BMS1: variants seen among roughly 807,000 people sequenced by gnomAD.
BMS1 encodes BMS1 ribosome biogenesis factor.
In BMS1, 53 loss-of-function variants were observed where a neutral mutation model predicts 138.7. That is an observed-to-expected ratio of 0.38 (90% confidence interval 0.31 to 0.48). The LOEUF is 0.48. Among genes scored for constraint, BMS1 ranks in the 20% least tolerant of loss-of-function variants. BMS1 has a pLI of 0.97. For missense variants in BMS1, 1,360 were observed against 1,565.5 expected, an observed-to-expected ratio of 0.87 and a Z score of 2.22; for synonymous variants, 504 against 539.9, an observed-to-expected ratio of 0.93 and a Z score of 0.92.
chr10:42,831,934 T>C lies in BMS1; in HGVS notation c.*838T>C, dbSNP rs1320625958. 4 of 152,224 alleles carry C rather than the reference T, an allele frequency of 2.6e-5. No homozygotes were observed. Among genetic ancestry groups the C allele is most frequent in the African/African-American group, 4.8e-5 (2 of 41,458 alleles). The allele number at this position is 152,224 out of a possible 1,614,324, so 9.4% of individuals were successfully genotyped here. On this transcript the variant is annotated 3_prime_UTR_variant, in exon 23 of 23. Coordinates refer to ENST00000374518, the MANE Select transcript of BMS1 (RefSeq NM_014753.4). ...TTATGATTGTATGTTGATATAGTTA[T>C]GGGGAATCTATTCCTATACGATGTA...
At position 42,831,900 on chromosome 10, in the gene BMS1, G is replaced by A. The variant is rs1588767671; in HGVS notation, c.*804G>A. The A allele has an allele frequency of 6.6e-6, 1 of 152,054 alleles. No individual in the cohort carries two copies. The highest frequency in any genetic ancestry group is 1.9e-4 in the East Asian group (1 of 5,198). 9.4% of individuals were successfully genotyped at this position (152,054 alleles called of 1,614,324 possible). A position where few individuals can be genotyped will look rare whatever the true frequency, so the allele number is the denominator to read the frequency against. On this transcript the variant is annotated 3_prime_UTR_variant, in exon 23 of 23. Coordinates refer to ENST00000374518, the MANE Select transcript of BMS1 (RefSeq NM_014753.4). ...GTAATCATACTATTACATAGGCGATGTATGTATTTTATGATTGTATGTTGA... is the reference window on the plus strand; with the variant it reads ...GTAATCATACTATTACATAGGCGATATATGTATTTTATGATTGTATGTTGA...
At chr10:42,797,909 G>C (rs10793636) in intron 11 of BMS1, among the ~76,000 whole-genome samples, 2 of 151,916 alleles carry the variant, frequency 1.3e-5, no homozygotes, top group African/African-American at 4.8e-5. Flanking sequence ...CTTGTCCTCT[G>C]ATTTTATGCT....
chr10:42,793,161 A>G lies in BMS1; in HGVS notation c.1089+17A>G. The G allele has an allele frequency of 1.3e-6, 2 of 1,574,992 alleles. No homozygotes were observed. Among genetic ancestry groups the G allele is most frequent in the Non-Finnish European group, 1.7e-6 (2 of 1,163,450 alleles). ...GTTTTTCAGGTATCGGTGAGACGGG[A>G]GTCATTTCTCTGAACTTTCAGTATT... is the stretch of plus-strand genomic sequence containing the variant. On this transcript the variant is annotated intron_variant, in intron 8 of 22. Coordinates refer to ENST00000374518, the MANE Select transcript of BMS1 (RefSeq NM_014753.4).
intron 10 of BMS1, 39 bp downstream of exon 10, chr10:42,797,270 C>T (rs1841719784): frequency 6.3e-7 from 1 of 1,581,626 alleles, no homozygotes; most frequent in Non-Finnish European, 8.6e-7. Flanking sequence ...ATGAACTTGG[C>T]TCTCGAAATG....
chr10:42,802,560 G>A (rs974933622), intron 13 of BMS1, among the ~76,000 whole-genome samples: 1 of 151,634 alleles, frequency 6.6e-6, no homozygotes, highest in Non-Finnish European at 1.5e-5. Flanking sequence ...GGAAAATTTC[G>A]AATGAAAAGT....
In BMS1 at chr10:42,792,575, G is replaced by A; in HGVS notation, c.862G>A (p.Gly288Arg). Residue 288 changes from glycine (G) to arginine (R), a missense_variant, in exon 7 of 23, where the codon GGA becomes AGA. This residue lies in a region of BMS1 where 697 missense variants were observed against 686.2 expected (regional missense o/e 1.02). Coordinates refer to ENST00000374518, the MANE Select transcript of BMS1 (RefSeq NM_014753.4). The part of the protein sequence containing the change: ...RKVSLYGYLR[G>R]AHLKNKSQIH... Reference sequence around the variant, plus strand: ...GGTGTCACTTTATGGTTATTTAAGAGGAGCACACTTGAAAAATAAAAGCCA... The same window carrying A: ...GGTGTCACTTTATGGTTATTTAAGAAGAGCACACTTGAAAAATAAAAGCCA... 6.2e-7 allele frequency: 1 copy of A among 1,610,846 alleles called. No individual in the cohort carries two copies. Among genetic ancestry groups the A allele is most frequent in the Non-Finnish European group, 8.5e-7 (1 of 1,179,764 alleles).
At chr10:42,797,321 T>C in intron 10 of BMS1, 90 bp downstream of exon 10, 1 of 1,577,076 alleles carries the variant, frequency 6.3e-7, no homozygotes, top group South Asian at 1.1e-5. Context: ...CTGTTGATTC[T>C]GTGATTTTGT....
At chr10:42,783,374 T>G (rs1841220163) in intron 1 of BMS1, among the ~76,000 whole-genome samples, 1 of 152,234 alleles carries the variant, frequency 6.6e-6, no homozygotes, top group African/African-American at 2.4e-5. Context: ...AGTAGCACCC[T>G]GTGCAGCCTT....
rs761740381 is a variant in BMS1 at position 42,793,121 on chromosome 10, C to T, written c.1066C>T (p.Leu356Phe). 3 of 1,608,488 alleles carry T rather than the reference C, an allele frequency of 1.9e-6. No homozygotes were observed. In the African/African-American group the frequency reaches 4.0e-5, roughly 22 times the overall value. Residue 356 changes from leucine to phenylalanine, a missense_variant, in exon 8 of 23, where the codon CTT (leucine) becomes TTT (phenylalanine). Leu to Phe is a conservative substitution (Grantham distance 22). Around this residue, in one of 3 missense-constraint regions of BMS1, gnomAD observed 697 missense variants for 686.2 expected, o/e 1.02. Coordinates refer to ENST00000374518, the MANE Select transcript of BMS1 (RefSeq NM_014753.4). ...LYDKDAVYVD[L>F]GGSHVFQDEV... is the part of the protein sequence containing the mutation. Reference sequence around the variant, plus strand: ...TGACAAAGACGCTGTCTATGTTGACCTTGGTGGCAGCCACGTTTTTCAGGT... The same window carrying T: ...TGACAAAGACGCTGTCTATGTTGACTTTGGTGGCAGCCACGTTTTTCAGGT...
chr10:42,800,985 G>A (rs1024485657), intron 12 of BMS1, among the ~76,000 whole-genome samples: 3 of 152,180 alleles, frequency 2.0e-5, no homozygotes, highest in Non-Finnish European at 4.4e-5. Context: ...CCTGTGGCCT[G>A]TAAGAGTCTG....
intron 15 of BMS1, 49 bp from the exon 16 acceptor site, chr10:42,820,187 T>G: frequency 6.3e-7 from 1 of 1,594,566 alleles, no homozygotes; most frequent in South Asian, 1.1e-5. Flanking sequence ...AATCTTATGT[T>G]TATTACAGAT....
chr10:42,830,447 A>G (rs374201960), intron 22 of BMS1, 25 bp downstream of exon 22: 22 of 1,580,006 alleles, frequency 1.4e-5, no homozygotes, highest in Non-Finnish European at 1.9e-5. Flanking sequence ...GCTGTACTGC[A>G]CGCTGCGTTT....
At chr10:42,829,377 CAGAGT>C (rs998436404) in intron 21 of BMS1, among the ~76,000 whole-genome samples, 10 of 152,100 alleles carry the variant, frequency 6.6e-5, no homozygotes, top group Non-Finnish European at 1.0e-4. Flanking sequence ...AAATTCAGTG[CAGAGT>C]ATTTTGCCTT....
At position 42,796,783 on chromosome 10, in the gene BMS1, G is replaced by C. The variant is rs762013522; in HGVS notation, c.1539G>C (p.Ala513=). The C allele has an allele frequency of 6.2e-7, 1 of 1,614,200 alleles. No homozygotes were observed. The highest frequency in any genetic ancestry group is 1.1e-5 in the South Asian group (1 of 91,078). ...ACGATGACCTTGAGAGGAGCTCAGCGGAAGAAGGGGAAGCGGAGGAAGCTG... is the reference window on the plus strand; with the variant it reads ...ACGATGACCTTGAGAGGAGCTCAGCCGAAGAAGGGGAAGCGGAGGAAGCTG... The part of the protein sequence containing the change: ...DSDDDLERSS[A]EEGEAEEADE... Residue 513 remains alanine, a synonymous_variant, in exon 10 of 23, where the codon GCG becomes GCC. Coordinates refer to ENST00000374518, the MANE Select transcript of BMS1 (RefSeq NM_014753.4).
chr10:42,826,330 T>A (rs988113734), intron 21 of BMS1, among the ~76,000 whole-genome samples: 9 of 151,906 alleles, frequency 5.9e-5, no homozygotes, highest in Non-Finnish European at 1.0e-4. Context: ...AAAATGTGTT[T>A]GGAATTATTT....
rs941261939 is a variant in BMS1 at position 42,794,121 on chromosome 10, A to C, written c.1229+130A>C. 6 of 1,041,962 alleles carry C rather than the reference A, an allele frequency of 5.8e-6. No individual in the cohort carries two copies. The African/African-American group carries it at 6.5e-5, about 11-fold the overall frequency. The allele number at this position is 1,041,962 out of a possible 1,614,324, so 64.5% of individuals were successfully genotyped here. On this transcript the variant is annotated intron_variant, in intron 9 of 22. Transcript: ENST00000374518. ...TTGTTTTGTTTTTCTTTGTGTGTGC[A>C]TGTGTCTCTGAGGGCTCTTCACTTA...
chr10:42,786,346 T>C (rs1841329389), intron 3 of BMS1, among the ~76,000 whole-genome samples: 1 of 152,230 alleles, frequency 6.6e-6, no homozygotes, highest in South Asian at 2.1e-4. Flanking sequence ...AATGGCAATG[T>C]ACACTCTGAA....
At chr10:42,800,979 T>C (rs1268929430) in intron 12 of BMS1, among the ~76,000 whole-genome samples, 1 of 152,242 alleles carries the variant, frequency 6.6e-6, no homozygotes, top group Non-Finnish European at 1.5e-5. Flanking sequence ...ATCCCACCTG[T>C]GGCCTGTAAG....
chr10:42,824,298 G>A (rs182241312), intron 21 of BMS1, among the ~76,000 whole-genome samples: 269 of 152,036 alleles, frequency 1.8e-3, no homozygotes, highest in Middle Eastern at 3.4e-3. Flanking sequence ...ATTTCCTATT[G>A]GTCATTTCCT....
Sources: gnomAD v4.1 joint callset for allele counts (sites outside exome capture counted in the v4.1 genomes callset) on GRCh38, gnomAD v4.1.1 for gene constraint, gnomAD v4.1.1 regional missense constraint, MANE v1.5 for transcripts, NCBI Gene and HGNC (gene_info 2026-07-23, HGNC 2026-07-21) for gene names.